Variants in ACYP2 observed in about 807,000 individuals in gnomAD.
ACYP2 encodes the protein acylphosphatase 2.
A neutral mutation model predicts 11.2 loss-of-function variants in ACYP2; 12 were observed. The observed-to-expected ratio is 1.08, with a 90% CI of 0.69 to 1.74. The LOEUF is 1.74. Ranked by LOEUF, ACYP2 falls within the 40% of genes most tolerant of loss-of-function variation. The pLI is 0.00. For missense variants in ACYP2, 134 were observed against 101.9 expected, an observed-to-expected ratio of 1.31 and a Z score of -1.35; for synonymous variants, 43 against 32.2, an observed-to-expected ratio of 1.33 and a Z score of -1.13.
intron 6 of ACYP2, among the ~76,000 whole-genome samples, chr2:54,239,737 C>G (rs529179490): frequency 6.6e-6 from 1 of 152,208 alleles, no homozygotes; most frequent in South Asian, 2.1e-4. Context: ...CTTACTTTAC[C>G]ACCCATGGTG....
At chr2:54,075,938 T>C (rs1431711792) in intron 4 of ACYP2, among the ~76,000 whole-genome samples, 4 of 152,354 alleles carry the variant, frequency 2.6e-5, no homozygotes, top group East Asian at 1.9e-4. Context: ...CTCTTTTTTA[T>C]TAATCTTTAT....
In ACYP2 at chr2:54,288,495, T is replaced by C. The variant is rs142422999; in HGVS notation, c.405-16193T>C. 3.9e-3 allele frequency among the ~76,000 whole-genome samples: 588 copies of C among 152,178 alleles called. 9 individuals are homozygous for C. Among genetic ancestry groups the C allele is most frequent in the Middle Eastern group, 6.8e-3 (2 of 294 alleles). Reference sequence around the variant, plus strand: ...TTCACCTAGGCTAGAGAAAGAACAATCTAATGTAATTCTGTCTCATTAGTG... The same window carrying C: ...TTCACCTAGGCTAGAGAAAGAACAACCTAATGTAATTCTGTCTCATTAGTG... On this transcript the variant is annotated intron_variant, in intron 6 of 6. Transcript: ENST00000607452.
At chr2:54,065,729 A>AT in intron 4 of ACYP2, 1 of 384,336 alleles carries the variant, frequency 2.6e-6, no homozygotes, top group South Asian at 1.4e-4. Context: ...GGAAAGTGAT[A>AT]TGAAGCATCT....
At chr2:54,252,078 G>C (rs548952047) in intron 6 of ACYP2, among the ~76,000 whole-genome samples, 1 of 152,188 alleles carries the variant, frequency 6.6e-6, no homozygotes, top group Non-Finnish European at 1.5e-5. Context: ...TCTCAGACCC[G>C]TCACTGTCCT....
At chr2:54,134,518 A>G (rs979813112) in intron 4 of ACYP2, among the ~76,000 whole-genome samples, 6 of 152,204 alleles carry the variant, frequency 3.9e-5, no homozygotes, top group Admixed American at 3.3e-4. Context: ...AGTATACTCA[A>G]CTGTACCTGT....
chr2:53,999,126 GA>G (rs372589377), intron 2 of ACYP2, among the ~76,000 whole-genome samples: 4 of 152,108 alleles, frequency 2.6e-5, no homozygotes, highest in African/African-American at 9.7e-5. Flanking sequence ...AAGGGATTAA[GA>G]AAAAAAGTAA....
intron 4 of ACYP2, among the ~76,000 whole-genome samples, chr2:54,066,433 C>T (rs10208233): frequency 0.65 from 98,340 of 152,058 alleles, 33,209 homozygotes; most frequent in East Asian, 0.92. Context: ...TTCTTTATAG[C>T]AGTGTGAAAA....
At chr2:54,121,598 A>G (rs1680162036) in intron 4 of ACYP2, among the ~76,000 whole-genome samples, 1 of 152,258 alleles carries the variant, frequency 6.6e-6, no homozygotes, top group Admixed American at 6.5e-5. Context: ...TTTTTCTTAC[A>G]TAGACAAGTA....
chr2:54,052,833 C>G (rs1450597016), intron 3 of ACYP2, among the ~76,000 whole-genome samples: 1 of 152,212 alleles, frequency 6.6e-6, no homozygotes, highest in Admixed American at 6.5e-5. Flanking sequence ...GGACAAGATA[C>G]ACTCTAGTGA....
intron 6 of ACYP2, among the ~76,000 whole-genome samples, chr2:54,301,108 T>C (rs1689707918): frequency 6.6e-6 from 1 of 152,228 alleles, no homozygotes; most frequent in Non-Finnish European, 1.5e-5. Flanking sequence ...ACCATTTGTA[T>C]AGTAAGAAAG....
intron 6 of ACYP2, among the ~76,000 whole-genome samples, chr2:54,164,077 C>A (rs926638852): frequency 4.6e-5 from 7 of 151,938 alleles, no homozygotes; most frequent in African/African-American, 1.7e-4. Flanking sequence ...TTTCGGAAGA[C>A]CAAAGGATAG....
intron 6 of ACYP2, among the ~76,000 whole-genome samples, chr2:54,187,637 A>C (rs1684067408): frequency 6.6e-6 from 1 of 152,226 alleles, no homozygotes; most frequent in Non-Finnish European, 1.5e-5. Context: ...GCCATTGCAC[A>C]GCAGGCAGCA....
At chr2:54,048,511 A>T (rs943005700) in intron 2 of ACYP2, among the ~76,000 whole-genome samples, 9 of 152,168 alleles carry the variant, frequency 5.9e-5, no homozygotes, top group African/African-American at 2.2e-4. Context: ...TAAATCAATT[A>T]GTTAATTTTT....
chr2:53,988,945 T>C (rs1672153315), intron 2 of ACYP2, among the ~76,000 whole-genome samples: 1 of 152,068 alleles, frequency 6.6e-6, no homozygotes, highest in South Asian at 2.1e-4. Flanking sequence ...GACGGGTTTT[T>C]GCCATGTTGG....
At chr2:54,014,541 A>G (rs900513590) in intron 2 of ACYP2, among the ~76,000 whole-genome samples, 1 of 151,786 alleles carries the variant, frequency 6.6e-6, no homozygotes, top group Non-Finnish European at 1.5e-5. Context: ...GGCTGGTCTC[A>G]AACTCCTGAC....
intron 2 of ACYP2, among the ~76,000 whole-genome samples, chr2:53,998,541 A>C (rs1672672279): frequency 1.3e-5 from 2 of 152,178 alleles, no homozygotes; most frequent in African/African-American, 2.4e-5. Flanking sequence ...CCAGCTGGGC[A>C]CAGTGGCTCA....
intron 2 of ACYP2, among the ~76,000 whole-genome samples, chr2:54,010,358 C>A (rs1175357358): frequency 6.6e-6 from 1 of 152,038 alleles, no homozygotes; most frequent in Non-Finnish European, 1.5e-5. Flanking sequence ...GTGGTGGGCA[C>A]CTGTAATCCC....
At chr2:54,024,302 A>G (rs1674160752) in intron 2 of ACYP2, among the ~76,000 whole-genome samples, 1 of 152,068 alleles carries the variant, frequency 6.6e-6, no homozygotes, top group African/African-American at 2.4e-5. Context: ...AGAGGCAGAG[A>G]TTGCATTCAG....
At chr2:53,974,653 G>A (rs952831660) in intron 2 of ACYP2, among the ~76,000 whole-genome samples, 1 of 152,146 alleles carries the variant, frequency 6.6e-6, no homozygotes. Flanking sequence ...GCCCAGGATT[G>A]TGTGACATAC....
Sources: gnomAD v4.1 joint callset for allele counts (sites outside exome capture counted in the v4.1 genomes callset) on GRCh38, gnomAD v4.1.1 for gene constraint, MANE v1.5 for transcripts, NCBI Gene and HGNC (gene_info 2026-07-23, HGNC 2026-07-21) for gene names.